SORBS2: variants seen among roughly 807,000 people sequenced by gnomAD.
SORBS2 encodes the protein sorbin and SH3 domain-containing protein 2.
In SORBS2, 46 loss-of-function variants were observed where a neutral mutation model predicts 97.7. The observed-to-expected ratio is 0.47, with a 90% CI of 0.37 to 0.60. The LOEUF (loss-of-function observed/expected upper bound fraction) is 0.60, where lower values mean the gene tolerates loss of function less well. Among genes scored for constraint, SORBS2 ranks in the 20% least tolerant of loss-of-function variants. The pLI is 0.00. For missense variants in SORBS2, 1,316 were observed against 1,282.3 expected, an observed-to-expected ratio of 1.03 and a Z score of -0.40; for synonymous variants, 476 against 473.4, an observed-to-expected ratio of 1.01 and a Z score of -0.07.
At chr4:185,694,619 A>G (rs2098143563) in intron 2 of SORBS2, among the ~76,000 whole-genome samples, 1 of 152,144 alleles carries the variant, frequency 6.6e-6, no homozygotes, top group South Asian at 2.1e-4. Context: ...TTGTTCATGG[A>G]AGGGCTGTAA....
intron 1 of SORBS2, among the ~76,000 whole-genome samples, chr4:185,876,984 T>C (rs2099234037): frequency 1.3e-5 from 2 of 152,350 alleles, no homozygotes; most frequent in South Asian, 4.1e-4. Flanking sequence ...GTCATGGTTG[T>C]AGCTTAAGCC....
chr4:185,864,678 A>G (rs1311404717), intron 1 of SORBS2, among the ~76,000 whole-genome samples: 2 of 152,316 alleles, frequency 1.3e-5, no homozygotes, highest in African/African-American at 2.4e-5. Context: ...TGGGAGGCCA[A>G]GGCAGTCAGA....
chr4:185,734,263 T>C (rs528316494), intron 2 of SORBS2, 109 bp from the exon 3 acceptor site: 1 of 152,494 alleles, frequency 6.6e-6, no homozygotes, highest in South Asian at 2.1e-4. Flanking sequence ...TCATCATATA[T>C]TCTTTTCTTT....
chr4:185,800,415 G>A (rs1395723213), intron 1 of SORBS2, among the ~76,000 whole-genome samples: 1 of 152,126 alleles, frequency 6.6e-6, no homozygotes, highest in Non-Finnish European at 1.5e-5. Flanking sequence ...GCGTCCGCTG[G>A]GAACTTCCCT....
chr4:185,688,277 C>T (rs56058454), intron 2 of SORBS2, among the ~76,000 whole-genome samples: 31,073 of 151,884 alleles, frequency 0.2, 3,945 homozygotes, highest in Non-Finnish European at 0.27. Context: ...TAAAAGAATG[C>T]TTTTTAGCCG....
At chr4:185,831,950 G>A (rs933495757) in intron 1 of SORBS2, among the ~76,000 whole-genome samples, 1 of 152,180 alleles carries the variant, frequency 6.6e-6, no homozygotes, top group Non-Finnish European at 1.5e-5. Flanking sequence ...CCTTCAAAGG[G>A]CTTAGCATAG....
chr4:185,931,912 G>A (rs1316119528), intron 1 of SORBS2, among the ~76,000 whole-genome samples: 2 of 151,798 alleles, frequency 1.3e-5, no homozygotes, highest in Non-Finnish European at 2.9e-5. Flanking sequence ...GAGAAAGTGA[G>A]TAAAAGTGTG....
exon 15 of SORBS2, chr4:185,587,326 C>A: frequency 4.3e-6 from 1 of 234,252 alleles, no homozygotes. Context: ...TTTTTTGCCT[C>A]AAATATTTGA....
Position 185,624,117 on chromosome 4 carries a change from C to A in SORBS2, c.1012G>T (p.Gly338Cys), listed in dbSNP as rs190302483. The A allele has an allele frequency of 8.4e-5, 135 of 1,614,194 alleles. No individual in the cohort carries two copies. The highest frequency in any genetic ancestry group is 4.2e-4 in the South Asian group (38 of 91,076). Residue 338 changes from glycine (G) to cysteine (C), a missense_variant, in exon 7 of 15, where the codon GGC (glycine) becomes TGC (cysteine). By Grantham distance (159) the Gly-to-Cys change is radical. Coordinates refer to ENST00000418609, the Ensembl canonical transcript of SORBS2. ...GACCTGTGTCTGATCCTTGATCTGC[C>A]GTTACTGCGAACCTCCGGGACGTAG... is the stretch of plus-strand genomic sequence containing the variant.
rs1024250137 is a variant in SORBS2 at position 185,699,003 on chromosome 4, CCA to C, written c.-197-20183_-197-20182del. On this transcript the variant is annotated intron_variant, in intron 2 of 20. Transcript: ENST00000284776. ...TTGTTAATTCACTGTTCTTAAAAAG[CCA>C]CACTTTTCTTCTGATTGAATACACC... 6.0e-4 allele frequency among the ~76,000 whole-genome samples: 92 copies of C among 152,186 alleles called. 1 individual carries two copies. Among genetic ancestry groups the C allele is most frequent in the African/African-American group, 1.9e-3 (81 of 41,544 alleles).
intron 14 of SORBS2, among the ~76,000 whole-genome samples, chr4:185,588,476 G>A (rs1580346939): frequency 6.6e-6 from 1 of 151,998 alleles, no homozygotes; most frequent in East Asian, 1.9e-4. Flanking sequence ...CAGCGCAGAT[G>A]GACCGGATAA....
intron 1 of SORBS2, among the ~76,000 whole-genome samples, chr4:185,926,866 A>G (rs2149947717): frequency 6.6e-6 from 1 of 152,092 alleles, no homozygotes; most frequent in Admixed American, 6.5e-5. Context: ...CCCTGACATT[A>G]ATTCTATCAA....
At chr4:185,643,597 T>C (rs2097162819) in intron 4 of SORBS2, among the ~76,000 whole-genome samples, 1 of 151,940 alleles carries the variant, frequency 6.6e-6, no homozygotes, top group African/African-American at 2.4e-5. Context: ...CACGGACAAT[T>C]GTGGGCCAGA....
chr4:185,873,412 A>G (rs769927914), intron 1 of SORBS2, among the ~76,000 whole-genome samples: 19 of 152,206 alleles, frequency 1.2e-4, no homozygotes, highest in Non-Finnish European at 8.8e-5. Context: ...TGATTCCAAT[A>G]CAAATCCAGC....
rs529164832 is a variant in SORBS2, at chr4:185,615,316, A to T, written c.2352-157T>A. ...CGATTAGATAAGAATGATCCTTGCA[A>T]ATTCTTAGAATGCACTTAAAACATT... is the stretch of plus-strand genomic sequence containing the variant. On this transcript the variant is annotated intron_variant, in intron 9 of 14. Coordinates refer to ENST00000418609, the Ensembl canonical transcript of SORBS2. 5.6e-5 allele frequency: 34 copies of T among 605,658 alleles called. 1 individual carries two copies. Among genetic ancestry groups the T allele is most frequent in the Middle Eastern group, 4.4e-4 (1 of 2,254 alleles). 37.5% of individuals were successfully genotyped at this position (605,658 alleles called of 1,614,324 possible). A position where few individuals can be genotyped will look rare whatever the true frequency, so the allele number is the denominator to read the frequency against.
upstream of SORBS2, among the ~76,000 whole-genome samples, chr4:185,658,744 G>T (rs2097454772): frequency 6.9e-6 from 1 of 144,860 alleles, no homozygotes; most frequent in Admixed American, 7.1e-5. Context: ...CAGCTGGAGT[G>T]CAGTGGTGTG....
At chr4:185,879,422 A>T (rs375431903) in intron 1 of SORBS2, among the ~76,000 whole-genome samples, 2 of 152,004 alleles carry the variant, frequency 1.3e-5, no homozygotes, top group Non-Finnish European at 2.9e-5. Context: ...TCTATCATTG[A>T]TGGACATTCG....
chr4:185,839,159 T>A (rs934979599), intron 1 of SORBS2, among the ~76,000 whole-genome samples: 1 of 152,214 alleles, frequency 6.6e-6, no homozygotes, highest in African/African-American at 2.4e-5. Flanking sequence ...CTCCCCATTG[T>A]GAAAAAGAAT....
intron 12 of SORBS2, among the ~76,000 whole-genome samples, chr4:185,611,038 T>A (rs1186186954): frequency 3.9e-5 from 6 of 152,164 alleles, no homozygotes; most frequent in Non-Finnish European, 8.8e-5. Context: ...AAGCAAAGCC[T>A]CTTTTAAATT....
Sources: allele counts gnomAD v4.1 joint callset (sites outside exome capture counted in the v4.1 genomes callset), GRCh38; gene constraint gnomAD v4.1.1; transcripts MANE v1.5; gene names NCBI Gene and HGNC (gene_info 2026-07-23, HGNC 2026-07-21).